The following DGKH variants were observed in gnomAD, a reference collection of about 807,000 sequenced individuals.
DGKH encodes diacylglycerol kinase eta.
DGKH carries 90 observed loss-of-function variants against 159.3 expected under a neutral mutation model. That is an observed-to-expected ratio of 0.57 (90% CI 0.48 to 0.67). The LOEUF is 0.67. DGKH is among the 30% of genes least tolerant of loss of function. The pLI is 0.00. For synonymous variants in DGKH, 536 were observed against 553.8 expected (o/e 0.97, Z 0.45); for missense variants, 1,181 against 1,506.1 (o/e 0.78, Z 3.57).
chr13:42,096,514 A>G (rs989625827), intron 1 of DGKH, among the ~76,000 whole-genome samples: 1 of 152,116 alleles, frequency 6.6e-6, no homozygotes, highest in Non-Finnish European at 1.5e-5. Flanking sequence ...GGATGATTCC[A>G]TGTTTTTGCC....
chr13:42,064,687 G>C (rs760839738), intron 1 of DGKH, among the ~76,000 whole-genome samples: 1 of 152,018 alleles, frequency 6.6e-6, no homozygotes, highest in African/African-American at 2.4e-5. Flanking sequence ...AAAAGAAAGA[G>C]TACTAAAAGA....
At chr13:42,043,452 G>A (rs748408431) in intron 1 of DGKH, among the ~76,000 whole-genome samples, 72 of 151,430 alleles carry the variant, frequency 4.8e-4, no homozygotes, top group Admixed American at 3.3e-4. Flanking sequence ...GGATCCTCCC[G>A]TCTCAGCCTC....
intron 11 of DGKH, among the ~76,000 whole-genome samples, chr13:42,172,167 G>A (rs1956476253): frequency 6.6e-6 from 1 of 150,892 alleles, no homozygotes; most frequent in Admixed American, 6.6e-5. Flanking sequence ...TCACCAGGCT[G>A]GAGTTCAGTG....
intron 2 of DGKH, among the ~76,000 whole-genome samples, chr13:42,127,850 G>A (rs749922176): frequency 2.6e-5 from 4 of 152,016 alleles, no homozygotes; most frequent in Admixed American, 6.6e-5. Flanking sequence ...AACATTAAAT[G>A]TAACCTTATT....
chr13:42,142,963 C>G (rs1302460580), intron 3 of DGKH, among the ~76,000 whole-genome samples: 1 of 152,074 alleles, frequency 6.6e-6, no homozygotes, highest in African/African-American at 2.4e-5. Context: ...GAGGGCATCC[C>G]TGTCTTGTGC....
chr13:42,047,589 A>T (rs1223587176), upstream of DGKH, among the ~76,000 whole-genome samples: 1 of 152,142 alleles, frequency 6.6e-6, no homozygotes, highest in African/African-American at 2.4e-5. Flanking sequence ...CAGCCCCCTC[A>T]CACCTGTGAG....
At chr13:42,067,774 A>G (rs1292622655) in intron 1 of DGKH, among the ~76,000 whole-genome samples, 4 of 152,210 alleles carry the variant, frequency 2.6e-5, no homozygotes, top group Non-Finnish European at 5.9e-5. Context: ...AAAGATATAG[A>G]CAGTATTCAA....
At chr13:42,141,193 G>A (rs2137886749) in intron 3 of DGKH, among the ~76,000 whole-genome samples, 1 of 151,352 alleles carries the variant, frequency 6.6e-6, no homozygotes, top group East Asian at 1.9e-4. Flanking sequence ...GAGAATCATG[G>A]TTTCCAGCTT....
chr13:42,187,248 A>G, intron 14 of DGKH, 100 bp downstream of exon 14: 2 of 961,410 alleles, frequency 2.1e-6, no homozygotes, highest in Non-Finnish European at 3.2e-6. Context: ...TCCTGCCAAA[A>G]CATCTTAAAT....
At chr13:42,186,009 TG>T (rs778146203) in intron 13 of DGKH, among the ~76,000 whole-genome samples, 47 of 48,760 alleles carry the variant, frequency 9.6e-4, no homozygotes, top group South Asian at 1.8e-3. Flanking sequence ...GTGGTGGTGG[TG>T]GTGTGTGTGT....
upstream of DGKH, among the ~76,000 whole-genome samples, chr13:42,044,736 T>C (rs542440650): frequency 6.6e-6 from 1 of 152,360 alleles, no homozygotes; most frequent in Admixed American, 6.5e-5. Context: ...CTAAAGAAGA[T>C]AAATTTTAGC....
At chr13:42,057,246 T>C (rs1435404121) in intron 1 of DGKH, among the ~76,000 whole-genome samples, 1 of 152,186 alleles carries the variant, frequency 6.6e-6, no homozygotes, top group Non-Finnish European at 1.5e-5. Flanking sequence ...GAAGTAATTT[T>C]CCACATGGCC....
intron 1 of DGKH, among the ~76,000 whole-genome samples, chr13:42,100,433 C>T (rs1954631731): frequency 6.6e-6 from 1 of 152,056 alleles, no homozygotes; most frequent in Non-Finnish European, 1.5e-5. Context: ...GTGCTTGAGT[C>T]ATCCTGAAAC....
intron 7 of DGKH, among the ~76,000 whole-genome samples, chr13:42,164,075 G>T (rs936613144): frequency 4.6e-5 from 7 of 152,080 alleles, no homozygotes; most frequent in Non-Finnish European, 1.0e-4. Flanking sequence ...TCAGCTTTAT[G>T]AGTTTCTAAC....
intron 24 of DGKH, 113 bp downstream of exon 24, chr13:42,210,878 C>G: frequency 1.2e-6 from 1 of 867,154 alleles, no homozygotes; most frequent in Non-Finnish European, 1.7e-6. Flanking sequence ...GATGCAATTA[C>G]TCTTCTTCAC....
intron 17 of DGKH, among the ~76,000 whole-genome samples, chr13:42,196,930 G>A (rs2324890): frequency 0.042 from 6,368 of 152,266 alleles, 208 homozygotes; most frequent in Non-Finnish European, 0.065. Context: ...AAAGCTGAAA[G>A]GAATATGGCT....
intron 1 of DGKH, among the ~76,000 whole-genome samples, chr13:42,105,997 G>T (rs1161773451): frequency 1.0e-4 from 15 of 144,980 alleles, no homozygotes; most frequent in Admixed American, 6.9e-4. Flanking sequence ...AAGGAATGTG[G>T]TTTTTTTTTT....
At chr13:42,193,204 A>G (rs1957126140) in intron 16 of DGKH, among the ~76,000 whole-genome samples, 4 of 152,324 alleles carry the variant, frequency 2.6e-5, no homozygotes, top group South Asian at 4.1e-4. Flanking sequence ...TCCTCCTAAG[A>G]TGATGGCTGT....
At chr13:42,049,896 CAG>C (rs922411869) in intron 1 of DGKH, among the ~76,000 whole-genome samples, 6 of 152,188 alleles carry the variant, frequency 3.9e-5, no homozygotes, top group Admixed American at 6.5e-5. Context: ...AAAATCTTCA[CAG>C]AGAGAGTCTG....
Sources: gnomAD v4.1 joint callset for allele counts (sites outside exome capture counted in the v4.1 genomes callset) on GRCh38, gnomAD v4.1.1 for gene constraint, MANE v1.5 for transcripts, NCBI Gene and HGNC (gene_info 2026-07-23, HGNC 2026-07-21) for gene names.